TSEN54: variants seen among roughly 807,000 people sequenced by gnomAD.
TSEN54 encodes tRNA splicing endonuclease subunit 54.
Under a neutral mutation model 61.9 loss-of-function variants are expected in TSEN54, and 55 were observed. The ratio of observed to expected loss-of-function variants is 0.89; its 90% CI spans 0.72 to 1.11. TSEN54 has a LOEUF of 1.11. TSEN54 is among the 50% of genes most tolerant of loss of function. TSEN54 has a pLI of 0.00. For missense variants in TSEN54, 760 were observed against 687.7 expected (o/e 1.11, Z -1.18); for synonymous variants, 304 against 288.7 (o/e 1.05, Z -0.54).
intron 6 of TSEN54, among the ~76,000 whole-genome samples, chr17:75,521,043 G>GA (rs1221644671): frequency 4.0e-5 from 6 of 151,762 alleles, no homozygotes; most frequent in South Asian, 4.2e-4. Flanking sequence ...ATTATTGAGT[G>GA]AAAAAAAAGA....
chr17:75,519,348 C>T (rs556038388), intron 6 of TSEN54, among the ~76,000 whole-genome samples: 35 of 152,252 alleles, frequency 2.3e-4, no homozygotes, highest in Non-Finnish European at 2.2e-4. Flanking sequence ...TTAGTAGGTG[C>T]GCAGGCAGGT....
chr17:75,524,069 C>T (rs927511674), intron 10 of TSEN54, among the ~76,000 whole-genome samples, 193 bp from the exon 11 acceptor site: 2 of 152,192 alleles, frequency 1.3e-5, no homozygotes, highest in Non-Finnish European at 2.9e-5. Flanking sequence ...GAGTGGTGAG[C>T]ACCTTGCTCT....
intron 6 of TSEN54, among the ~76,000 whole-genome samples, chr17:75,520,432 A>AAAT (rs2053415401): frequency 6.8e-6 from 1 of 147,896 alleles, no homozygotes; most frequent in Non-Finnish European, 1.5e-5. Flanking sequence ...AAAAAAAAAA[A>AAAT]AAAATCAGCC....
intron 10 of TSEN54, 131 bp from the exon 11 acceptor site, chr17:75,524,131 T>C: frequency 7.5e-7 from 1 of 1,332,928 alleles, no homozygotes; most frequent in South Asian, 1.2e-5. Flanking sequence ...CAGAGCCCTG[T>C]GTTTTGGAGA....
Position 75,523,743 on chromosome 17 carries a change from A to G in TSEN54, c.1394A>G (p.Asn465Ser). The change falls in exon 10 of 11, where the codon AAC (asparagine) becomes AGC (serine). Residue 465 changes from asparagine to serine, a missense_variant. Coordinates refer to ENST00000333213, the MANE Select transcript of TSEN54 (RefSeq NM_207346.3). ...GCTGTGGCCACATTCCGAAAGAATA[A>G]CCCTGGCAAACCCTATGCCCGGATG... ...ADAVATFRKN[N>S]PGKPYARMCI... The G allele has an allele frequency of 1.2e-6, 2 of 1,614,058 alleles. No homozygotes were observed. Among genetic ancestry groups the G allele is most frequent in the Non-Finnish European group, 1.7e-6 (2 of 1,179,994 alleles).
chr17:75,516,593 G>T lies in TSEN54; in HGVS notation c.33G>T (p.Glu11Asp). The stretch of plus-strand genomic sequence containing the variant: ...CCGAGCCCGAGCCCGCGGCCGTGGA[G>T]GTTCCCGCGGGGCGCGTGCTCAGGT... MEPEPEPAAV[E>D]VPAGRVLSAR... Residue 11 changes from glutamate to aspartate, a missense_variant, in exon 1 of 11, where the codon GAG becomes GAT. By Grantham distance (45) the Glu-to-Asp change is conservative. This residue lies in a region of TSEN54 where 667 missense variants were observed against 577.8 expected (regional missense o/e 1.15). Transcript: ENST00000333213. The T allele has an allele frequency of 8.6e-7, 1 of 1,166,598 alleles. No individual in the cohort carries two copies. Among genetic ancestry groups the T allele is most frequent in the Non-Finnish European group, 1.1e-6 (1 of 947,336 alleles). 72.3% of individuals were successfully genotyped at this position (1,166,598 alleles called of 1,614,324 possible). A position where few individuals can be genotyped will look rare whatever the true frequency, so the allele number is the denominator to read the frequency against.
At chr17:75,518,928 C>G (rs2053400483) in intron 5 of TSEN54, 67 bp from the exon 6 acceptor site, 2 of 1,607,516 alleles carry the variant, frequency 1.2e-6, no homozygotes, top group East Asian at 2.2e-5. Context: ...TGGCCTGTGT[C>G]TGGAGAAACC....
intron 5 of TSEN54, among the ~76,000 whole-genome samples, chr17:75,518,101 G>T (rs970620592): frequency 6.6e-6 from 1 of 152,220 alleles, no homozygotes; most frequent in Non-Finnish European, 1.5e-5. Context: ...TTCTGAGTGG[G>T]AAGAATGAAG....
chr17:75,516,831 T>C lies in TSEN54; in HGVS notation c.142T>C (p.Ser48Pro), dbSNP rs1427667128. The C allele has an allele frequency of 6.3e-7, 1 of 1,590,304 alleles. No individual in the cohort carries two copies. The highest frequency in any genetic ancestry group is 8.5e-7 in the Non-Finnish European group (1 of 1,175,302). The change falls in exon 2 of 11, where the codon TCG becomes CCG. Residue 48 changes from serine (S) to proline (P), a missense_variant. By Grantham distance (74) the Ser-to-Pro change is moderately conservative. Transcript: ENST00000333213. ...HGPKDFLPDG[S>P]AAQAERLRRC... Reference sequence around the variant, plus strand: ...CCCCAAGGACTTTCTGCCCGACGGCTCGGCAGCTCAGGCCGAGCGGCTGCG... The same window carrying C: ...CCCCAAGGACTTTCTGCCCGACGGCCCGGCAGCTCAGGCCGAGCGGCTGCG...
rs540381206 is a variant in TSEN54, at chr17:75,518,970, T to G, written c.469-25T>G. On this transcript the variant is annotated intron_variant, in intron 5 of 10. Coordinates refer to ENST00000333213, the MANE Select transcript of TSEN54 (RefSeq NM_207346.3). ...TGTTTTCCAGAGTGGCCATCTGAGC[T>G]TTCATTTTTTTTTTTTCTTTTGAGG... 5 of 1,613,572 alleles carry G rather than the reference T, an allele frequency of 3.1e-6. No homozygotes were observed. In the East Asian group the frequency reaches 1.1e-4, roughly 36 times the overall value.
intron 4 of TSEN54, 44 bp downstream of exon 4, chr17:75,517,288 A>G: frequency 6.4e-7 from 1 of 1,553,642 alleles, no homozygotes; most frequent in South Asian, 1.2e-5. Context: ...GGACCAAAGA[A>G]CGGGAAGGAC....
intron 9 of TSEN54, 156 bp from the exon 10 acceptor site, chr17:75,523,507 A>G: frequency 1.3e-5 from 21 of 1,599,782 alleles, no homozygotes; most frequent in Non-Finnish European, 1.8e-5. Flanking sequence ...AAGAGGGAGA[A>G]TAACCAGTGG....
rs762180678 is a variant in TSEN54, at chr17:75,524,454, G to A, written c.*42G>A. 4 of 1,612,302 alleles carry A rather than the reference G, an allele frequency of 2.5e-6. No homozygotes were observed. The highest frequency in any genetic ancestry group is 1.7e-5 in the Admixed American group (1 of 59,998). ...AGGATGGAGCTTGCTCCGGGGGACC[G>A]GGACTGTCTGTTCTCAGGGACCATC... On this transcript the variant is annotated 3_prime_UTR_variant, in exon 11 of 11. Transcript: ENST00000333213.
Position 75,517,101 on chromosome 17 carries a change from CGCCCTCCCTGCCCTCCCT to C in TSEN54, c.285+39_286-33del, listed in dbSNP as rs58038334. The C allele has an allele frequency of 1.7e-5, 27 of 1,548,842 alleles. No individual in the cohort carries two copies. In the South Asian group the frequency reaches 3.2e-4, roughly 18 times the overall value. On this transcript the variant is annotated intron_variant, in intron 3 of 10. Transcript: ENST00000333213. ...AGCGGCGGGCTCGGGGACCGGGGAC[CGCCCTCCCTGCCCTCCCT>C]GCCCTCCCTCCCTTGTGACACTTGC...
intron 5 of TSEN54, 66 bp downstream of exon 5, chr17:75,517,721 C>T: frequency 7.4e-7 from 1 of 1,348,272 alleles, no homozygotes; most frequent in Non-Finnish European, 1.1e-6. Flanking sequence ...TGACAAGTAC[C>T]CATAAGGTGC....
chr17:75,522,033 C>T lies in TSEN54; in HGVS notation c.952C>T (p.Pro318Ser). 1.9e-6 allele frequency: 3 copies of T among 1,593,120 alleles called. No homozygotes were observed. Among genetic ancestry groups the T allele is most frequent in the South Asian group, 2.3e-5 (2 of 88,260 alleles). Residue 318 changes from proline to serine, a missense_variant, in exon 8 of 11, where the codon CCA becomes TCA. Physicochemically the swap from Pro to Ser is moderately conservative, Grantham distance 74. This residue lies in a region of TSEN54 where 667 missense variants were observed against 577.8 expected (regional missense o/e 1.15). Transcript: ENST00000333213. ...CAGCCGCCACACCCTTCTGCGCGCC[C>T]CAGCCCCAGAGCTGCTCCCGGCCAA... ...SDSRHTLLRA[P>S]APELLPANVA...
In TSEN54 at chr17:75,516,555, G is replaced by T. The variant is rs1465438204; in HGVS notation, c.-6G>T. On this transcript the variant is annotated 5_prime_UTR_variant, in exon 1 of 11. Coordinates refer to ENST00000333213, the MANE Select transcript of TSEN54 (RefSeq NM_207346.3). ...GGCGGCGCGCGCAGCGGCAGGCGGCGGCGGGATGGAGCCCGAGCCCGAGCC... is the reference window on the plus strand; with the variant it reads ...GGCGGCGCGCGCAGCGGCAGGCGGCTGCGGGATGGAGCCCGAGCCCGAGCC... 4 of 1,124,906 alleles carry T rather than the reference G, an allele frequency of 3.6e-6. No individual in the cohort carries two copies. Among genetic ancestry groups the T allele is most frequent in the Non-Finnish European group, 3.3e-6 (3 of 920,672 alleles). 69.7% of individuals were successfully genotyped at this position (1,124,906 alleles called of 1,614,324 possible).
At chr17:75,518,313 G>A (rs773429985) in intron 5 of TSEN54, among the ~76,000 whole-genome samples, 1 of 152,198 alleles carries the variant, frequency 6.6e-6, no homozygotes, top group Non-Finnish European at 1.5e-5. Context: ...GGGCTGTATG[G>A]GAGTGCCATC....
At position 75,523,508 on chromosome 17, in the gene TSEN54, T is replaced by C. The variant is rs62088469; in HGVS notation, c.1314-155T>C. 0.17 allele frequency: 268,821 copies of C among 1,598,350 alleles called. 24,490 individuals carry two copies. The highest frequency in any genetic ancestry group is 0.32 in the African/African-American group (23,745 of 74,662). On this transcript the variant is annotated intron_variant, in intron 9 of 10. Transcript: ENST00000333213. ...GTGTGTGTCTAGGGAAGAGGGAGAA[T>C]AACCAGTGGGTTAGCCCAAGGGTTC...
Sources: allele counts gnomAD v4.1 joint callset (sites outside exome capture counted in the v4.1 genomes callset), GRCh38; gene constraint gnomAD v4.1.1; regional missense constraint gnomAD v4.1.1; transcripts MANE v1.5; gene names NCBI Gene and HGNC (gene_info 2026-07-23, HGNC 2026-07-21).